PALLD: variants seen among roughly 807,000 people sequenced by gnomAD.
PALLD encodes palladin.
A neutral mutation model predicts 123.5 loss-of-function variants in PALLD; 61 were observed. That is an observed-to-expected ratio of 0.49 (90% CI 0.40 to 0.61). PALLD has a LOEUF of 0.61. Among genes scored for constraint, PALLD ranks in the 20% least tolerant of loss-of-function variants. PALLD has a pLI of 0.00. For missense variants in PALLD, 1,273 were observed against 1,377.0 expected (o/e 0.92, Z 1.20); for synonymous variants, 465 against 496.4 (o/e 0.94, Z 0.84).
chr4:168,767,803 G>A lies in PALLD; in HGVS notation c.1964+55880G>A, dbSNP rs2001553. ...CTCAGGTAATCCACCTGCCTCGGCC[G>A]CCCAAAGTGCTGGGATTACAGGCAT... is the stretch of plus-strand genomic sequence containing the variant. On this transcript the variant is annotated intron_variant, in intron 10 of 21. Coordinates refer to ENST00000505667, the MANE Select transcript of PALLD (RefSeq NM_001166108.2). Among the ~76,000 whole-genome samples the A allele has an allele frequency of 7.7e-4, 117 of 151,946 alleles. 1 individual carries two copies. In the South Asian group the frequency reaches 0.023, roughly 30 times the overall value.
In PALLD at chr4:168,511,656, C is replaced by T. The variant is rs1282194996; in HGVS notation, c.152C>T (p.Ala51Val). The change falls in exon 2 of 22, where the codon GCC (alanine) becomes GTC (valine). Residue 51 changes from alanine (A) to valine (V), a missense_variant. Ala to Val is a moderately conservative substitution (Grantham distance 64, BLOSUM62 0). This residue lies in a region of PALLD where 944 missense variants were observed against 954.5 expected (regional missense o/e 0.99). Transcript: ENST00000505667. ...CTTGACCTGGCCCGGAGAGCCATAG[C>T]CGACTCCGAAACAGAAGATTTTGAC... ...KSLDLARRAIADSETEDFDSE... is the reference protein window; with the variant it reads ...KSLDLARRAIVDSETEDFDSE... 6.2e-7 allele frequency: 1 copy of T among 1,614,144 alleles called. No homozygotes were observed.
At chr4:168,887,573 G>A (rs937537293) in intron 10 of PALLD, among the ~76,000 whole-genome samples, 6 of 152,186 alleles carry the variant, frequency 3.9e-5, no homozygotes, top group South Asian at 4.1e-4. Flanking sequence ...GGTCTACATC[G>A]CACAGGCTTA....
intron 10 of PALLD, among the ~76,000 whole-genome samples, chr4:168,789,297 A>T (rs1417136588): frequency 6.6e-6 from 1 of 152,234 alleles, no homozygotes; most frequent in Non-Finnish European, 1.5e-5. Flanking sequence ...TTGGGGCAGG[A>T]GGAAAAATAT....
At chr4:168,741,531 A>AT (rs1485123927) in intron 10 of PALLD, among the ~76,000 whole-genome samples, 1 of 152,114 alleles carries the variant, frequency 6.6e-6, no homozygotes, top group Non-Finnish European at 1.5e-5. Flanking sequence ...TTAAAAAAAA[A>AT]TAAAAGTAGC....
chr4:168,808,404 C>T (rs1178832602), intron 10 of PALLD, among the ~76,000 whole-genome samples: 1 of 151,902 alleles, frequency 6.6e-6, no homozygotes, highest in African/African-American at 2.4e-5. Flanking sequence ...TGCTTGAACC[C>T]GGGAGGCAGA....
intron 2 of PALLD, among the ~76,000 whole-genome samples, chr4:168,531,519 C>G (rs752936851): frequency 6.6e-6 from 1 of 152,162 alleles, no homozygotes; most frequent in Non-Finnish European, 1.5e-5. Flanking sequence ...ATGACTCACA[C>G]TGGACACTGA....
chr4:168,876,129 C>T (rs556702686), intron 10 of PALLD, among the ~76,000 whole-genome samples: 3 of 152,282 alleles, frequency 2.0e-5, no homozygotes, highest in Non-Finnish European at 2.9e-5. Context: ...GATAAACATC[C>T]TGGGACTGGG....
At chr4:168,830,504 T>A (rs569277115) in intron 10 of PALLD, among the ~76,000 whole-genome samples, 2 of 150,786 alleles carry the variant, frequency 1.3e-5, no homozygotes, top group South Asian at 4.2e-4. Flanking sequence ...CACTTCAGCC[T>A]GGGCAACAGA....
chr4:168,559,821 C>T (rs978286232), intron 2 of PALLD, among the ~76,000 whole-genome samples: 1 of 151,688 alleles, frequency 6.6e-6, no homozygotes, highest in African/African-American at 2.4e-5. Context: ...GGAAGTTGAG[C>T]TTGCAGTGAG....
chr4:168,501,975 G>A (rs1761454129), intron 1 of PALLD, among the ~76,000 whole-genome samples: 1 of 151,998 alleles, frequency 6.6e-6, no homozygotes, highest in Non-Finnish European at 1.5e-5. Flanking sequence ...ATCAAACCAA[G>A]TATAAAAAGC....
chr4:168,845,084 G>A (rs541882274), intron 10 of PALLD, among the ~76,000 whole-genome samples: 3 of 152,226 alleles, frequency 2.0e-5, no homozygotes, highest in Admixed American at 6.5e-5. Context: ...CTGTGTGTCC[G>A]GAGGATGGCA....
rs72123198 is a variant in PALLD at position 168,807,277 on chromosome 4, G to GCACA, written c.1965-83624_1965-83621dup. Among the ~76,000 whole-genome samples, 1,002 of 144,896 alleles carry GCACA rather than the reference G, an allele frequency of 6.9e-3. 18 individuals carry two copies. The highest frequency in any genetic ancestry group is 0.023 in the African/African-American group (915 of 39,944). On this transcript the variant is annotated intron_variant, in intron 10 of 21. Transcript: ENST00000505667. ...AAAAGCTATGAGTACACACACACAC[G>GCACA]CACACACACACACACACACACACAG...
chr4:168,880,820 A>T (rs1336758492), intron 10 of PALLD, among the ~76,000 whole-genome samples: 1 of 152,264 alleles, frequency 6.6e-6, no homozygotes, highest in African/African-American at 2.4e-5. Flanking sequence ...TATGTAACAC[A>T]ATGAAGTAGA....
chr4:168,858,797 T>G (rs200947579), intron 10 of PALLD, among the ~76,000 whole-genome samples: 2 of 148,950 alleles, frequency 1.3e-5, no homozygotes, highest in Non-Finnish European at 3.0e-5. Context: ...AAATAAAAAT[T>G]AAAAAAAAAA....
intron 2 of PALLD, among the ~76,000 whole-genome samples, chr4:168,574,955 A>G (rs1318854780): frequency 6.6e-6 from 1 of 152,104 alleles, no homozygotes; most frequent in Non-Finnish European, 1.5e-5. Context: ...CCAGCATATT[A>G]TGTCCTGTCT....
chr4:168,696,116 A>G lies in PALLD; in HGVS notation c.1501+4824A>G, dbSNP rs575830412. ...CACATTCAAAGCTGTCCTGGGCCAC[A>G]TGTGGCTCAGAGGCCACGGGTTGGA... is the stretch of plus-strand genomic sequence containing the variant. On this transcript the variant is annotated intron_variant, in intron 8 of 21. Transcript: ENST00000505667. Among the ~76,000 whole-genome samples, 3 of 152,336 alleles carry G rather than the reference A, an allele frequency of 2.0e-5. No homozygotes were observed. The East Asian group carries it at 5.8e-4, about 29-fold the overall frequency.
chr4:168,890,847 T>G (rs1249969331), intron 10 of PALLD, 75 bp from the exon 11 acceptor site: 1 of 1,478,288 alleles, frequency 6.8e-7, no homozygotes, highest in African/African-American at 1.4e-5. Context: ...GCACTGTCTT[T>G]GTTGGACTTG....
chr4:168,601,059 A>C (rs1334635696), intron 2 of PALLD, among the ~76,000 whole-genome samples: 1 of 152,000 alleles, frequency 6.6e-6, no homozygotes. Context: ...CTTGTGTCTC[A>C]GTGTTTTTTC....
intron 2 of PALLD, among the ~76,000 whole-genome samples, chr4:168,649,051 TA>T (rs946365357): frequency 2.0e-5 from 3 of 152,226 alleles, no homozygotes; most frequent in Non-Finnish European, 2.9e-5. Flanking sequence ...ACTTCATGGA[TA>T]AAAAGCATCC....
Sources: gnomAD v4.1 joint callset for allele counts (sites outside exome capture counted in the v4.1 genomes callset) on GRCh38, gnomAD v4.1.1 for gene constraint, gnomAD v4.1.1 regional missense constraint, MANE v1.5 for transcripts, NCBI Gene and HGNC (gene_info 2026-07-23, HGNC 2026-07-21) for gene names.